UNC5D: variants seen among roughly 807,000 people sequenced by gnomAD.
The protein encoded by UNC5D is unc-5 netrin receptor D.
In UNC5D, 39 loss-of-function variants were observed where a neutral mutation model predicts 105.4. That is an observed-to-expected ratio of 0.37 (90% CI 0.29 to 0.48). The LOEUF is 0.48. Among genes scored for constraint, UNC5D ranks in the 20% least tolerant of loss-of-function variants. The probability of loss-of-function intolerance (pLI) is 0.98; values close to 1 mark genes in which losing one functional copy is unlikely to be tolerated. For synonymous variants in UNC5D, 452 were observed against 450.4 expected (o/e 1.00, Z -0.04); for missense variants, 991 against 1,202.4 (o/e 0.82, Z 2.60).
chr8:35,694,344 C>T (rs989924378), intron 7 of UNC5D, among the ~76,000 whole-genome samples: 2 of 152,082 alleles, frequency 1.3e-5, no homozygotes, highest in East Asian at 3.9e-4. Context: ...GAGTTAAAAC[C>T]AGCTGTTTTC....
chr8:35,545,529 T>C (rs1434486075), intron 1 of UNC5D, among the ~76,000 whole-genome samples: 1 of 152,016 alleles, frequency 6.6e-6, no homozygotes, highest in Non-Finnish European at 1.5e-5. Flanking sequence ...AGCCACCTAC[T>C]GGGCAGGGCT....
intron 1 of UNC5D, chr8:35,544,245 CCTACCAAGGCT>C (rs1159692542): frequency 2.3e-6 from 2 of 869,022 alleles, no homozygotes; most frequent in African/African-American, 1.7e-5. Context: ...CATTCCTTAG[CCTACCAAGGCT>C]CTTTCCTGAA....
In UNC5D at chr8:35,451,098, C is replaced by T. The variant is rs544765897; in HGVS notation, c.104-98194C>T. Among the ~76,000 whole-genome samples, 9 of 143,356 alleles carry T rather than the reference C, an allele frequency of 6.3e-5. 1 individual carries two copies. In the East Asian group the frequency reaches 1.9e-3, roughly 30 times the overall value. 94.0% of individuals were successfully genotyped at this position (143,356 alleles called of 152,430 possible). ...TGCTCTTGTTTCCCGGGCTGGAATG[C>T]AATGGTGCAATCTCAGTTCACTGCA... On this transcript the variant is annotated intron_variant, in intron 1 of 16. Transcript: ENST00000404895.
In UNC5D at chr8:35,256,959, G is replaced by GT. The variant is rs71541893; in HGVS notation, c.103+21088dup. 1.8e-3 allele frequency among the ~76,000 whole-genome samples: 187 copies of GT among 102,510 alleles called. 1 individual carries two copies. The highest frequency in any genetic ancestry group is 4.6e-3 in the African/African-American group (117 of 25,314). The allele number at this position is 102,510 out of a possible 152,430, so 67.3% of individuals were successfully genotyped here. On this transcript the variant is annotated intron_variant, in intron 1 of 16. Transcript: ENST00000404895. ...TTTTTGGCTCTCCTGCTCTTTTTTT[G>GT]TTTTTTTTTTTTTTTTGTTTTTTGT... is the stretch of plus-strand genomic sequence containing the variant.
chr8:35,683,411 A>G (rs987886120), intron 4 of UNC5D, 136 bp from the exon 5 acceptor site: 101 of 878,288 alleles, frequency 1.1e-4, no homozygotes, highest in Non-Finnish European at 1.6e-4. Flanking sequence ...AGGATATGGA[A>G]TAAAGAAACC....
intron 1 of UNC5D, among the ~76,000 whole-genome samples, chr8:35,402,109 G>A (rs1188220896): frequency 6.6e-6 from 1 of 152,164 alleles, no homozygotes; most frequent in Non-Finnish European, 1.5e-5. Flanking sequence ...TAGGCAAGGA[G>A]TTTGGTCTTT....
At chr8:35,364,598 G>T (rs2128920485) in intron 1 of UNC5D, among the ~76,000 whole-genome samples, 1 of 152,146 alleles carries the variant, frequency 6.6e-6, no homozygotes, top group East Asian at 1.9e-4. Context: ...GAGTACCATT[G>T]GTTTCAGGCC....
At chr8:35,483,764 T>C (rs1022576107) in intron 1 of UNC5D, among the ~76,000 whole-genome samples, 1 of 152,198 alleles carries the variant, frequency 6.6e-6, no homozygotes, top group Non-Finnish European at 1.5e-5. Flanking sequence ...CGAGAGGGTA[T>C]TGATTTTAAA....
intron 1 of UNC5D, among the ~76,000 whole-genome samples, chr8:35,369,754 T>A (rs1490560660): frequency 6.6e-6 from 1 of 152,174 alleles, no homozygotes; most frequent in Admixed American, 6.6e-5. Flanking sequence ...TGTCTTTACT[T>A]CCCCTGAGAA....
intron 4 of UNC5D, among the ~76,000 whole-genome samples, chr8:35,668,754 CA>C (rs1218176583): frequency 6.6e-6 from 1 of 152,040 alleles, no homozygotes; most frequent in African/African-American, 2.4e-5. Context: ...TTAAAAATAA[CA>C]AAGACGAGTG....
At chr8:35,743,285 T>G (rs749895900) in intron 11 of UNC5D, among the ~76,000 whole-genome samples, 15 of 152,190 alleles carry the variant, frequency 9.9e-5, no homozygotes, top group Non-Finnish European at 1.8e-4. Context: ...TATTTATTTT[T>G]TTGAGACAGA....
At chr8:35,440,776 A>G (rs1174637528) in intron 1 of UNC5D, among the ~76,000 whole-genome samples, 1 of 151,896 alleles carries the variant, frequency 6.6e-6, no homozygotes, top group Non-Finnish European at 1.5e-5. Flanking sequence ...CACATAAAAC[A>G]TTTGTCACAA....
intron 1 of UNC5D, among the ~76,000 whole-genome samples, chr8:35,484,181 G>A (rs1416883513): frequency 2.6e-5 from 4 of 152,012 alleles, no homozygotes. Context: ...TAAGGGGGAA[G>A]AAGCAAAGAA....
chr8:35,497,555 C>A (rs550332248), intron 1 of UNC5D, among the ~76,000 whole-genome samples: 2 of 151,382 alleles, frequency 1.3e-5, no homozygotes, highest in African/African-American at 4.9e-5. Flanking sequence ...AGAAATGATG[C>A]GTTAGATTTT....
chr8:35,650,681 A>G (rs1279236617), intron 4 of UNC5D, among the ~76,000 whole-genome samples: 2 of 152,012 alleles, frequency 1.3e-5, no homozygotes, highest in African/African-American at 2.4e-5. Flanking sequence ...TATATTTGCC[A>G]GGCTGGTCTC....
At chr8:35,336,005 C>T (rs887037839) in intron 1 of UNC5D, among the ~76,000 whole-genome samples, 1 of 151,860 alleles carries the variant, frequency 6.6e-6, no homozygotes, top group African/African-American at 2.4e-5. Context: ...CCTCGTGATC[C>T]GCCTGCATTA....
Position 35,508,611 on chromosome 8 carries a change from A to G in UNC5D, c.104-40681A>G, listed in dbSNP as rs547603034. Among the ~76,000 whole-genome samples the G allele has an allele frequency of 8.5e-5, 13 of 152,364 alleles. No homozygotes were observed. In the East Asian group the frequency reaches 1.3e-3, roughly 16 times the overall value. On this transcript the variant is annotated intron_variant, in intron 1 of 16. Transcript: ENST00000404895. ...CTGCTGGGAGGTAGAAAGTGACCTC[A>G]TATCTCTTCCAGCTTTCTCTTCAAA... is the stretch of plus-strand genomic sequence containing the variant.
At chr8:35,403,084 G>C (rs1324282887) in intron 1 of UNC5D, among the ~76,000 whole-genome samples, 1 of 152,154 alleles carries the variant, frequency 6.6e-6, no homozygotes, top group Non-Finnish European at 1.5e-5. Context: ...AGCTTTTGCT[G>C]TTTCTACTCC....
In UNC5D at chr8:35,750,946, C is replaced by A. The variant is rs62504077; in HGVS notation, c.2163+137C>A. On this transcript the variant is annotated intron_variant, in intron 13 of 16. Coordinates refer to ENST00000404895, the MANE Select transcript of UNC5D (RefSeq NM_080872.4). ...CCACTGTAACTGCCCAGTGGGTTCA[C>A]CTTGCCTGCTGCCTAGACAGAGCCA... 4,092 of 970,020 alleles carry A rather than the reference C, an allele frequency of 4.2e-3. 15 individuals are homozygous for A. The highest frequency in any genetic ancestry group is 5.8e-3 in the Non-Finnish European group (3,697 of 638,856). The allele number at this position is 970,020 out of a possible 1,614,324, so 60.1% of individuals were successfully genotyped here.
Sources: allele counts gnomAD v4.1 joint callset (sites outside exome capture counted in the v4.1 genomes callset), GRCh38; gene constraint gnomAD v4.1.1; transcripts MANE v1.5; gene names NCBI Gene and HGNC (gene_info 2026-07-23, HGNC 2026-07-21).